Variants in TCF20 observed in about 807,000 individuals in gnomAD.
TCF20 encodes transcription factor 20.
Under a neutral mutation model 148.6 loss-of-function variants are expected in TCF20, and 3 were observed. That is an observed-to-expected ratio of 0.02 (90% CI 0.01 to 0.05). The LOEUF (loss-of-function observed/expected upper bound fraction) is 0.05. TCF20 is among the 10% of genes least tolerant of loss of function. The pLI is 1.00. For synonymous variants in TCF20, 1,049 were observed against 909.5 expected (o/e 1.15, Z -2.76); for missense variants, 2,350 against 2,429.3 (o/e 0.97, Z 0.69).
At chr22:42,256,218 G>A (rs1223475761) in intron 1 of TCF20, among the ~76,000 whole-genome samples, 1 of 152,088 alleles carries the variant, frequency 6.6e-6, no homozygotes, top group East Asian at 1.9e-4. Context: ...TCATTCATAC[G>A]TTTGATAAAT....
chr22:42,275,224 G>C (rs912835252), upstream of TCF20: 3 of 152,304 alleles, frequency 2.0e-5, no homozygotes, highest in Non-Finnish European at 4.4e-5. Context: ...AGCCCCTCCA[G>C]CAGTCATATA....
chr22:42,180,657 G>T (rs773917530), intron 2 of TCF20, among the ~76,000 whole-genome samples: 1 of 152,120 alleles, frequency 6.6e-6, no homozygotes, highest in Non-Finnish European at 1.5e-5. Flanking sequence ...TCAGGCCCCC[G>T]ACACAGATAC....
At chr22:42,295,320 TC>T (rs1286775182) in intron 1 of TCF20, among the ~76,000 whole-genome samples, 1 of 151,890 alleles carries the variant, frequency 6.6e-6, no homozygotes, top group East Asian at 1.9e-4. Context: ...CCCCATTCAC[TC>T]CACACTCCCC....
chr22:42,219,314 T>A (rs1040820954), intron 1 of TCF20, among the ~76,000 whole-genome samples: 1 of 126,896 alleles, frequency 7.9e-6, no homozygotes, highest in Non-Finnish European at 1.6e-5. Context: ...GAGCTATGAA[T>A]GTGCCAATGT....
rs368793170 is a variant in TCF20 at position 42,211,185 on chromosome 22, T to C, written c.4121A>G (p.Glu1374Gly). Reference sequence around the variant, plus strand: ...AAGCGTAACCGTGTCTCCCCCAGCCTCCGCACTGTTCGAAGATGCGCTCCT... The same window carrying C: ...AAGCGTAACCGTGTCTCCCCCAGCCCCCGCACTGTTCGAAGATGCGCTCCT... ...IRRSASSNSA[E>G]AGGDTVTLDD... Residue 1374 changes from glutamate to glycine, a missense_variant, in exon 2 of 6, where the codon GAG (glutamate) becomes GGG (glycine). Around this residue, in one of 7 missense-constraint regions of TCF20, gnomAD observed 231 missense variants for 213.7 expected, o/e 1.08. Transcript: ENST00000677622. 1.5e-5 allele frequency: 25 copies of C among 1,614,066 alleles called. No homozygotes were observed. Among genetic ancestry groups the C allele is most frequent in the South Asian group, 2.2e-5 (2 of 91,084 alleles).
upstream of TCF20, chr22:42,274,627 G>A (rs1926731946): frequency 6.6e-6 from 1 of 152,252 alleles, no homozygotes; most frequent in African/African-American, 2.4e-5. Flanking sequence ...TTAGAGCATT[G>A]ACATGTTTGG....
chr22:42,215,236 A>G lies in TCF20; in HGVS notation c.70T>C (p.Ser24Pro). ...GGGCTGAACTCTTCTAGCCGGGATG[A>G]GCCGTGTACCTCCTGTGGGTAGCTT... Reference protein sequence around the residue: ...QQSYPQEVHGSSRLEEFSPRQ... With the variant: ...QQSYPQEVHGPSRLEEFSPRQ... The change falls in exon 2 of 6, where the codon TCA becomes CCA. Residue 24 changes from serine to proline, a missense_variant. Physicochemically the swap from Ser to Pro is moderately conservative, Grantham distance 74. Transcript: ENST00000677622. The G allele has an allele frequency of 1.9e-6, 3 of 1,614,198 alleles. No homozygotes were observed. Among genetic ancestry groups the G allele is most frequent in the Non-Finnish European group, 2.5e-6 (3 of 1,180,034 alleles).
At chr22:42,243,179 C>A (rs1264824984) in intron 1 of TCF20, among the ~76,000 whole-genome samples, 1 of 151,270 alleles carries the variant, frequency 6.6e-6, no homozygotes, top group Non-Finnish European at 1.5e-5. Context: ...AAAGAATGAA[C>A]TCAAGTCAGT....
In TCF20 at chr22:42,161,247, T is replaced by TGGGC. The variant is rs1935434222; in HGVS notation, c.*152_*155dup. The TGGGC allele has an allele frequency of 7.5e-7, 1 of 1,341,018 alleles. No homozygotes were observed. Among genetic ancestry groups the TGGGC allele is most frequent in the Non-Finnish European group, 9.9e-7 (1 of 1,006,866 alleles). The allele number at this position is 1,341,018 out of a possible 1,614,324, so 83.1% of individuals were successfully genotyped here. A position where few individuals can be genotyped will look rare whatever the true frequency, so the allele number is the denominator to read the frequency against. On this transcript the variant is annotated 3_prime_UTR_variant, in exon 6 of 6. Coordinates refer to ENST00000677622, the MANE Select transcript of TCF20 (RefSeq NM_001378418.1). The stretch of plus-strand genomic sequence containing the variant: ...GTGAGAACTTAAGGAAGTGCTGGCA[T>TGGGC]GGGCAGGCACGCGGGCGGGGCGGGG...
intron 1 of TCF20, among the ~76,000 whole-genome samples, chr22:42,334,581 A>G (rs1298645708): frequency 6.6e-6 from 1 of 152,262 alleles, no homozygotes; most frequent in East Asian, 1.9e-4. Flanking sequence ...CCGAGTCAAC[A>G]ACCGCTCCAG....
chr22:42,277,959 T>C (rs1428132108), intron 1 of TCF20, among the ~76,000 whole-genome samples: 1 of 152,252 alleles, frequency 6.6e-6, no homozygotes, highest in Non-Finnish European at 1.5e-5. Context: ...TCCAAAAACA[T>C]ACGTGGGTTG....
At chr22:42,191,814 T>C (rs1937350040) in intron 2 of TCF20, among the ~76,000 whole-genome samples, 1 of 152,162 alleles carries the variant, frequency 6.6e-6, no homozygotes. Flanking sequence ...TGATTAGCAC[T>C]TTTCCTCTGA....
chr22:42,328,566 C>T (rs559241046), intron 1 of TCF20, among the ~76,000 whole-genome samples: 1 of 152,314 alleles, frequency 6.6e-6, no homozygotes, highest in Admixed American at 6.5e-5. Flanking sequence ...TCAGATCACC[C>T]AGGATCAAAT....
intron 1 of TCF20, among the ~76,000 whole-genome samples, chr22:42,244,584 A>G (rs1924750623): frequency 6.6e-6 from 1 of 152,212 alleles, no homozygotes; most frequent in South Asian, 2.1e-4. Context: ...ATCCAAAAGA[A>G]GTAAATCTAA....
At chr22:42,282,324 C>A (rs1402372591) in intron 1 of TCF20, among the ~76,000 whole-genome samples, 1 of 152,248 alleles carries the variant, frequency 6.6e-6, no homozygotes, top group East Asian at 1.9e-4. Context: ...GCGCCCATGT[C>A]ACTGCACCTG....
At chr22:42,307,337 T>G (rs1319928274) in intron 1 of TCF20, among the ~76,000 whole-genome samples, 1 of 152,222 alleles carries the variant, frequency 6.6e-6, no homozygotes, top group Non-Finnish European at 1.5e-5. Flanking sequence ...GCCTTCCATC[T>G]GCACTTAGGC....
intron 1 of TCF20, among the ~76,000 whole-genome samples, chr22:42,276,032 T>A (rs1926771287): frequency 6.6e-6 from 1 of 152,166 alleles, no homozygotes; most frequent in South Asian, 2.1e-4. Flanking sequence ...AAGATGACAA[T>A]AAGGAAGTTC....
At chr22:42,270,759 G>T (rs1349179459), upstream of TCF20, among the ~76,000 whole-genome samples, 1 of 144,256 alleles carries the variant, frequency 6.9e-6, no homozygotes, top group African/African-American at 2.5e-5. Context: ...GGGGCGGGGC[G>T]CTGGGGGCGG....
At chr22:42,165,537 C>T (rs139442729) in intron 5 of TCF20, among the ~76,000 whole-genome samples, 137 of 152,380 alleles carry the variant, frequency 9.0e-4, no homozygotes, top group Non-Finnish European at 1.6e-3. Flanking sequence ...TGGGCAACCA[C>T]GGGCCTGCAG....
Sources: allele counts gnomAD v4.1 joint callset (sites outside exome capture counted in the v4.1 genomes callset), GRCh38; gene constraint gnomAD v4.1.1; regional missense constraint gnomAD v4.1.1; transcripts MANE v1.5; gene names NCBI Gene and HGNC (gene_info 2026-07-23, HGNC 2026-07-21).